The following GLUD1 variants were observed in gnomAD, a reference collection of about 807,000 sequenced individuals.
GLUD1 encodes the protein glutamate dehydrogenase 1, mitochondrial.
In GLUD1, 22 loss-of-function variants were observed where a neutral mutation model predicts 56.0. The observed-to-expected ratio is 0.39, with a 90% CI of 0.28 to 0.56. The LOEUF (loss-of-function observed/expected upper bound fraction) is 0.56, where lower values mean the gene tolerates loss of function less well. GLUD1 is among the 20% of genes least tolerant of loss of function. GLUD1 has a pLI of 0.58. For synonymous variants in GLUD1, 223 were observed against 269.9 expected, an observed-to-expected ratio of 0.83 and a Z score of 1.70; for missense variants, 451 against 732.0, an observed-to-expected ratio of 0.62 and a Z score of 4.43.
intron 1 of GLUD1, among the ~76,000 whole-genome samples, chr10:87,080,986 C>T (rs1054075190): frequency 3.6e-5 from 5 of 139,460 alleles, no homozygotes; most frequent in African/African-American, 1.1e-4. Flanking sequence ...GTCAGCCCCC[C>T]GCCCGGCCAG....
chr10:87,057,897 C>A, intron 10 of GLUD1, 115 bp from the exon 11 acceptor site: 1 of 673,848 alleles, frequency 1.5e-6, no homozygotes, highest in South Asian at 1.6e-5. Context: ...CAGACAGAGT[C>A]GTGGTCTGTC....
intron 10 of GLUD1, among the ~76,000 whole-genome samples, chr10:87,058,635 G>A (rs1845849627): frequency 6.6e-6 from 1 of 152,228 alleles, no homozygotes; most frequent in South Asian, 2.1e-4. Flanking sequence ...GCTCACGCCT[G>A]TAATCCCAGC....
chr10:87,069,464 A>G (rs573252487), intron 4 of GLUD1, among the ~76,000 whole-genome samples: 282 of 151,550 alleles, frequency 1.9e-3, no homozygotes, highest in Non-Finnish European at 3.5e-3. Flanking sequence ...GCAGTGAGCC[A>G]AGATCGCGCC....
In GLUD1 at chr10:87,062,202, G is replaced by A. The variant is rs532428557; in HGVS notation, c.921+454C>T. On this transcript the variant is annotated intron_variant, in intron 6 of 12. Transcript: ENST00000277865. ...CAAAGTGCTGGGAATACAGGCATGA[G>A]CCACTGTGTCCAGCCACCACTTCTA... 4.6e-5 allele frequency among the ~76,000 whole-genome samples: 7 copies of A among 152,330 alleles called. No homozygotes were observed. In the East Asian group the frequency reaches 1.2e-3, roughly 25 times the overall value.
chr10:87,073,340 G>A (rs554319103), intron 4 of GLUD1, among the ~76,000 whole-genome samples: 16 of 152,124 alleles, frequency 1.1e-4, no homozygotes, highest in African/African-American at 3.9e-4. Context: ...TTTTTGTAGA[G>A]ATGGGGTCTT....
chr10:87,071,389 G>A (rs1184572629), intron 4 of GLUD1, among the ~76,000 whole-genome samples: 1 of 151,792 alleles, frequency 6.6e-6, no homozygotes, highest in African/African-American at 2.4e-5. Context: ...GTTTTACCAT[G>A]TTGGCCAGGC....
chr10:87,073,672 G>A (rs1846303156), intron 4 of GLUD1, among the ~76,000 whole-genome samples: 1 of 129,284 alleles, frequency 7.7e-6, no homozygotes, highest in Non-Finnish European at 1.5e-5. Context: ...AGGCTGGGGT[G>A]TAGTGGCGTG....
At chr10:87,052,668 T>TAAAAAAAAAAAAAA (rs1285140190) in intron 12 of GLUD1, among the ~76,000 whole-genome samples, 5 of 16,568 alleles carry the variant, frequency 3.0e-4, no homozygotes, top group African/African-American at 3.9e-4. Context: ...AAACTCCGTC[T>TAAAAAAAAAAAAAA]CAAAAAAAAA....
At chr10:87,067,036 C>T (rs2133809342) in intron 5 of GLUD1, among the ~76,000 whole-genome samples, 2 of 152,350 alleles carry the variant, frequency 1.3e-5, no homozygotes, top group Non-Finnish European at 2.9e-5. Flanking sequence ...GTGCAATGCT[C>T]CTCTCCTGGT....
chr10:87,090,192 T>C (rs1214482825), intron 1 of GLUD1, among the ~76,000 whole-genome samples: 1 of 152,196 alleles, frequency 6.6e-6, no homozygotes, highest in Non-Finnish European at 1.5e-5. Flanking sequence ...ATTTTTAACA[T>C]AAGTAAATAA....
chr10:87,073,038 C>T (rs113843432), intron 4 of GLUD1, among the ~76,000 whole-genome samples: 157 of 152,298 alleles, frequency 1.0e-3, no homozygotes, highest in Middle Eastern at 3.4e-3. Context: ...CAGGCCAAAT[C>T]TAGTCAAGTT....
chr10:87,089,554 T>C, intron 1 of GLUD1: 1 of 936,022 alleles, frequency 1.1e-6, no homozygotes, highest in South Asian at 4.9e-5. Context: ...CCTTTGCTAA[T>C]ATCTGACCTT....
chr10:87,057,843 A>T, intron 10 of GLUD1, 61 bp from the exon 11 acceptor site: 1 of 886,632 alleles, frequency 1.1e-6, no homozygotes, highest in Non-Finnish European at 1.9e-6. Context: ...AAAAAGTAGA[A>T]TCAAAAGTAG....
intron 4 of GLUD1, among the ~76,000 whole-genome samples, chr10:87,072,484 A>G (rs1167984530): frequency 6.6e-6 from 1 of 152,212 alleles, no homozygotes; most frequent in Admixed American, 6.5e-5. Context: ...AATAACATCA[A>G]ATTTGAAGGT....
At chr10:87,055,514 G>GC (rs1300667504) in intron 11 of GLUD1, among the ~76,000 whole-genome samples, 2 of 152,150 alleles carry the variant, frequency 1.3e-5, no homozygotes, top group Non-Finnish European at 2.9e-5. Context: ...CAGTAGCAGC[G>GC]CAAGTCCTTC....
chr10:87,066,371 G>GT (rs1491074704), intron 5 of GLUD1, among the ~76,000 whole-genome samples: 1 of 152,082 alleles, frequency 6.6e-6, no homozygotes, highest in African/African-American at 2.4e-5. Context: ...GTTTCCCTGT[G>GT]TTTTCAGGAC....
chr10:87,070,383 G>C (rs1054415969), intron 4 of GLUD1, among the ~76,000 whole-genome samples: 3 of 151,762 alleles, frequency 2.0e-5, no homozygotes, highest in Non-Finnish European at 4.4e-5. Context: ...GGCTGATCAC[G>C]AGGTCAAGAG....
At chr10:87,054,067 A>G (rs2133778980) in intron 11 of GLUD1, among the ~76,000 whole-genome samples, 1 of 152,306 alleles carries the variant, frequency 6.6e-6, no homozygotes, top group South Asian at 2.1e-4. Context: ...ATGCTTTCTA[A>G]AAAATTAAGG....
At chr10:87,075,665 C>T (rs1846367725) in intron 3 of GLUD1, among the ~76,000 whole-genome samples, 1 of 152,136 alleles carries the variant, frequency 6.6e-6, no homozygotes, top group African/African-American at 2.4e-5. Context: ...CTCATGCCTG[C>T]AATCCTAGCA....
Sources: gnomAD v4.1 joint callset for allele counts (sites outside exome capture counted in the v4.1 genomes callset) on GRCh38, gnomAD v4.1.1 for gene constraint, MANE v1.5 for transcripts, NCBI Gene and HGNC (gene_info 2026-07-23, HGNC 2026-07-21) for gene names.